Variants in FBXW2 observed in about 807,000 individuals in gnomAD.
FBXW2 encodes F-box and WD repeat domain containing 2, also known as F-box/WD repeat-containing protein 2.
Under a neutral mutation model 46.0 loss-of-function variants are expected in FBXW2, and 12 were observed. The observed-to-expected ratio is 0.26, with a 90% CI of 0.17 to 0.42. The LOEUF is 0.42. FBXW2 is among the 10% of genes least tolerant of loss of function. FBXW2 has a pLI of 1.00. For missense variants in FBXW2, 360 were observed against 537.0 expected (o/e 0.67, Z 3.26); for synonymous variants, 203 against 209.6 (o/e 0.97, Z 0.27).
chr9:120,781,037 A>C (rs2044601054), intron 3 of FBXW2, among the ~76,000 whole-genome samples: 1 of 137,096 alleles, frequency 7.3e-6, no homozygotes, highest in Non-Finnish European at 1.6e-5. Flanking sequence ...ATATCATGGC[A>C]AAAAAAAAAA....
chr9:120,780,266 G>A (rs1293046784), intron 3 of FBXW2, among the ~76,000 whole-genome samples: 4 of 151,490 alleles, frequency 2.6e-5, no homozygotes, highest in African/African-American at 9.7e-5. Flanking sequence ...GCTGAGGCAG[G>A]AGAATCACTT....
chr9:120,774,793 A>G (rs2044457326), intron 5 of FBXW2, among the ~76,000 whole-genome samples: 1 of 152,124 alleles, frequency 6.6e-6, no homozygotes, highest in Non-Finnish European at 1.5e-5. Flanking sequence ...TTCCTAGTAC[A>G]CTTCTGATGA....
In FBXW2 at chr9:120,772,788, T is replaced by C. The variant is rs771677198; in HGVS notation, c.872A>G (p.Tyr291Cys). ...VKSLLHSPGD[Y>C]ILLSADKYEI... ...ATATTTGTCTGCACTTAAGAGGATG[T>C]AGTCTCCAGGACTGTGCAAGAGAGA... Residue 291 changes from tyrosine (Y) to cysteine (C), a missense_variant, in exon 6 of 8, where the codon TAC (tyrosine) becomes TGC (cysteine). Physicochemically the swap from Tyr to Cys is radical, Grantham distance 194. Coordinates refer to ENST00000608872, the MANE Select transcript of FBXW2 (RefSeq NM_012164.4). The C allele has an allele frequency of 1.9e-6, 3 of 1,576,890 alleles. No individual in the cohort carries two copies. Among genetic ancestry groups the C allele is most frequent in the East Asian group, 2.3e-5 (1 of 42,978 alleles).
At chr9:120,775,585 TCAC>T (rs1193753138) in intron 5 of FBXW2, among the ~76,000 whole-genome samples, 1 of 152,214 alleles carries the variant, frequency 6.6e-6, no homozygotes, top group African/African-American at 2.4e-5. Flanking sequence ...CATTTGATCC[TCAC>T]AACAATCTTG....
At position 120,784,185 on chromosome 9, in the gene FBXW2, T is replaced by C. The variant is rs951452564; in HGVS notation, c.490+3584A>G. 3.9e-5 allele frequency among the ~76,000 whole-genome samples: 6 copies of C among 152,290 alleles called. No individual in the cohort carries two copies. In the South Asian group the frequency reaches 8.3e-4, roughly 21 times the overall value. On this transcript the variant is annotated intron_variant, in intron 3 of 7. Transcript: ENST00000608872. ...CCACCAAGAGAATAATCTTAAAATG[T>C]AGAATTGTAGATATTAACTTTCCAG... is the stretch of plus-strand genomic sequence containing the variant.
In FBXW2 at chr9:120,764,448, A is replaced by C; in HGVS notation, c.*111T>G. 1 of 1,220,952 alleles carries C rather than the reference A, an allele frequency of 8.2e-7. No homozygotes were observed. Among genetic ancestry groups the C allele is most frequent in the Non-Finnish European group, 1.2e-6 (1 of 859,734 alleles). 75.6% of individuals were successfully genotyped at this position (1,220,952 alleles called of 1,614,324 possible). The stretch of plus-strand genomic sequence containing the variant: ...TAGATAAATGATTGTGCACTGCGTG[A>C]TGATACCATTAGGTGAGAACTTTGG... On this transcript the variant is annotated 3_prime_UTR_variant, in exon 8 of 8. Coordinates refer to ENST00000608872, the MANE Select transcript of FBXW2 (RefSeq NM_012164.4).
Position 120,776,212 on chromosome 9 carries a change from A to G in FBXW2, c.700T>C (p.Tyr234His), listed in dbSNP as rs368117369. ...GHTGAVFSVDYNDELDILVSG... is the reference protein window; with the variant it reads ...GHTGAVFSVDHNDELDILVSG... ...ACCAAGATATCCAGTTCATCATTGT[A>G]GTCCACGCTAAATACTAGTGCATAT... The change falls in exon 5 of 8, where the codon TAC becomes CAC. Residue 234 changes from tyrosine (Y) to histidine (H), a missense_variant. Transcript: ENST00000608872. The G allele has an allele frequency of 2.5e-6, 4 of 1,614,028 alleles. No individual in the cohort carries two copies. The highest frequency in any genetic ancestry group is 3.4e-6 in the Non-Finnish European group (4 of 1,180,042).
intron 4 of FBXW2, 88 bp from the exon 5 acceptor site, chr9:120,776,314 T>G (rs1006965633): frequency 1.5e-5 from 21 of 1,448,140 alleles, no homozygotes; most frequent in Non-Finnish European, 1.8e-5. Context: ...TTTCCCCAAT[T>G]ATATAATTTC....
chr9:120,792,975 G>A, intron 2 of FBXW2, 174 bp downstream of exon 2: 2 of 1,533,718 alleles, frequency 1.3e-6, no homozygotes, highest in East Asian at 4.9e-5. Context: ...TCTTTCAAAC[G>A]TTTGGTAGCC....
intron 3 of FBXW2, 114 bp downstream of exon 3, chr9:120,787,655 C>T (rs896997242): frequency 7.8e-5 from 88 of 1,127,110 alleles, no homozygotes; most frequent in Non-Finnish European, 1.0e-4. Context: ...AAAAAAGTCA[C>T]TGTACATATC....
intron 2 of FBXW2, chr9:120,792,837 A>T (rs2044878375): frequency 2.2e-6 from 3 of 1,391,396 alleles, no homozygotes; most frequent in Non-Finnish European, 9.6e-7. Context: ...ATTACTTAGC[A>T]TTAATATTGT....
At chr9:120,766,004 G>A (rs560866253) in intron 7 of FBXW2, among the ~76,000 whole-genome samples, 2 of 152,146 alleles carry the variant, frequency 1.3e-5, no homozygotes, top group East Asian at 3.8e-4. Flanking sequence ...AAGAAAAGCT[G>A]ATGTCCTCTT....
At position 120,764,516 on chromosome 9, in the gene FBXW2, A is replaced by C; in HGVS notation, c.*43T>G. The C allele has an allele frequency of 1.3e-6, 2 of 1,584,852 alleles. No homozygotes were observed. The highest frequency in any genetic ancestry group is 1.7e-6 in the Non-Finnish European group (2 of 1,160,592). On this transcript the variant is annotated 3_prime_UTR_variant, in exon 8 of 8. Transcript: ENST00000608872. ...CGCAGAGGTTGCACCCAAAACCCGCAGCCCCGGCACCCAAAGTCAGTCAGC... is the reference window on the plus strand; with the variant it reads ...CGCAGAGGTTGCACCCAAAACCCGCCGCCCCGGCACCCAAAGTCAGTCAGC...
chr9:120,764,351 C>A lies in FBXW2; in HGVS notation c.*208G>T. On this transcript the variant is annotated 3_prime_UTR_variant, in exon 8 of 8. Coordinates refer to ENST00000608872, the MANE Select transcript of FBXW2 (RefSeq NM_012164.4). ...TACAAATGAAGTCAATGGTGTACCC[C>A]ATTAGCATGCTGCGTTGTATGTCAA... 1 of 574,054 alleles carries A rather than the reference C, an allele frequency of 1.7e-6. No homozygotes were observed. The highest frequency in any genetic ancestry group is 3.1e-6 in the Non-Finnish European group (1 of 322,578). 35.6% of individuals were successfully genotyped at this position (574,054 alleles called of 1,614,324 possible).
In FBXW2 at chr9:120,758,168, C is replaced by T. The variant is rs1288961341; in HGVS notation, c.*6391G>A. On this transcript the variant is annotated 3_prime_UTR_variant, in exon 8 of 8. Transcript: ENST00000608872. Reference sequence around the variant, plus strand: ...ATTGCTAAATGAACTGCACCACTAACCTTACACAAAAATGCTCAGTGAGGC... The same window carrying T: ...ATTGCTAAATGAACTGCACCACTAATCTTACACAAAAATGCTCAGTGAGGC... 1.3e-5 allele frequency: 2 copies of T among 152,214 alleles called. No homozygotes were observed. The highest frequency in any genetic ancestry group is 3.9e-4 in the East Asian group (2 of 5,186). 9.4% of individuals were successfully genotyped at this position (152,214 alleles called of 1,614,324 possible).
chr9:120,782,843 C>A (rs937015309), intron 3 of FBXW2, among the ~76,000 whole-genome samples: 2 of 151,962 alleles, frequency 1.3e-5, no homozygotes, highest in Non-Finnish European at 2.9e-5. Context: ...AGAGTGAGAC[C>A]TTATCTCAAA....
Position 120,787,778 on chromosome 9 carries a change from G to A in FBXW2, c.481C>T (p.Leu161Phe). ...TTTCAACATCTCTTACCTGTACAGA[G>A]AAGTCCATCTTTGTAGTAAAGTGCA... ...VYALYYKDGL[L>F]CTGSDDLSAK... is the part of the protein sequence containing the mutation. The change falls in exon 3 of 8, where the codon CTC becomes TTC. Residue 161 changes from leucine to phenylalanine, a missense_variant. By Grantham distance (22) the Leu-to-Phe change is conservative. Transcript: ENST00000608872. The A allele has an allele frequency of 6.2e-7, 1 of 1,613,168 alleles. No homozygotes were observed. Among genetic ancestry groups the A allele is most frequent in the Non-Finnish European group, 8.5e-7 (1 of 1,179,652 alleles).
intron 5 of FBXW2, 37 bp downstream of exon 5, chr9:120,776,056 G>C: frequency 6.2e-7 from 1 of 1,609,578 alleles, no homozygotes; most frequent in Non-Finnish European, 8.5e-7. Context: ...CCCTCAAAAA[G>C]CCTGATAAGC....
rs2044157734 is a variant in FBXW2 at position 120,758,960 on chromosome 9, T to C, written c.*5599A>G. 1 of 152,196 alleles carries C rather than the reference T, an allele frequency of 6.6e-6. No individual in the cohort carries two copies. The highest frequency in any genetic ancestry group is 6.5e-5 in the Admixed American group (1 of 15,278). The allele number at this position is 152,196 out of a possible 1,614,324, so 9.4% of individuals were successfully genotyped here. A position where few individuals can be genotyped will look rare whatever the true frequency, so the allele number is the denominator to read the frequency against. On this transcript the variant is annotated 3_prime_UTR_variant, in exon 8 of 8. Coordinates refer to ENST00000608872, the MANE Select transcript of FBXW2 (RefSeq NM_012164.4). The stretch of plus-strand genomic sequence containing the variant: ...TATTCATGAAATTCACCAAAATTAT[T>C]TCCTTGTGTTTTACCTTTATTGTTT...
Sources: allele counts gnomAD v4.1 joint callset (sites outside exome capture counted in the v4.1 genomes callset), GRCh38; gene constraint gnomAD v4.1.1; transcripts MANE v1.5; gene names NCBI Gene and HGNC (gene_info 2026-07-23, HGNC 2026-07-21).